The following BCAP29 variants were observed in gnomAD, a reference collection of about 807,000 sequenced individuals.
The protein encoded by BCAP29 is B-cell receptor-associated protein 29.
Under a neutral mutation model 31.8 loss-of-function variants are expected in BCAP29, and 34 were observed. That is an observed-to-expected ratio of 1.07 (90% CI 0.81 to 1.42). The LOEUF (loss-of-function observed/expected upper bound fraction) is 1.42, where lower values mean the gene tolerates loss of function less well. Among genes scored for constraint, BCAP29 ranks in the 40% most tolerant of loss-of-function variants. The pLI, the probability that BCAP29 is intolerant of heterozygous loss-of-function variation, is 0.00. For missense variants in BCAP29, 314 were observed against 269.2 expected, an observed-to-expected ratio of 1.17 and a Z score of -1.16; for synonymous variants, 104 against 91.3, an observed-to-expected ratio of 1.14 and a Z score of -0.79.
In BCAP29 at chr7:107,589,817, T is replaced by G. The variant is rs1197506390; in HGVS notation, c.194-4138T>G. Among the ~76,000 whole-genome samples the G allele has an allele frequency of 1.3e-5, 2 of 151,992 alleles. 1 individual carries two copies. The highest frequency in any genetic ancestry group is 4.2e-4 in the South Asian group (2 of 4,814). The stretch of plus-strand genomic sequence containing the variant: ...ATTGGAATCATATAGAGTATGGGGG[T>G]TTTGTTTTTGTTGTTTTATAGAGAC... On this transcript the variant is annotated intron_variant, in intron 3 of 7. Coordinates refer to ENST00000005259, the MANE Select transcript of BCAP29 (RefSeq NM_018844.4).
intron 5 of BCAP29, 60 bp downstream of exon 5, chr7:107,596,062 T>A: frequency 1.4e-6 from 2 of 1,409,328 alleles, no homozygotes; most frequent in Non-Finnish European, 1.9e-6. Context: ...GTAATGTATT[T>A]GTTTTCAGCA....
intron 3 of BCAP29, 102 bp from the exon 4 acceptor site, chr7:107,593,853 A>G (rs1379624776): frequency 1.7e-6 from 2 of 1,210,164 alleles, no homozygotes; most frequent in East Asian, 4.8e-5. Context: ...CCTAAAGTCC[A>G]TTATTTAAAA....
At chr7:107,621,899 C>A (rs777959283), downstream of BCAP29, 2 of 534,532 alleles carry the variant, frequency 3.7e-6, no homozygotes, top group South Asian at 2.8e-5. Context: ...GTTACTGCTG[C>A]CATAGTAAAT....
chr7:107,580,513 G>A lies in BCAP29; in HGVS notation c.-15+212G>A. 3 of 412,366 alleles carry A rather than the reference G, an allele frequency of 7.3e-6. 1 individual carries two copies. The South Asian group carries it at 1.0e-4, about 14-fold the overall frequency. 25.5% of individuals were successfully genotyped at this position (412,366 alleles called of 1,614,324 possible). A position where few individuals can be genotyped will look rare whatever the true frequency, so the allele number is the denominator to read the frequency against. On this transcript the variant is annotated intron_variant, in intron 1 of 7. Coordinates refer to ENST00000005259, the MANE Select transcript of BCAP29 (RefSeq NM_018844.4). Reference sequence around the variant, plus strand: ...AGGGAGGCGTTGGGCTTCTGTCGCCGCGAAGCTGGCGGAAAAGGCAGTGGC... The same window carrying A: ...AGGGAGGCGTTGGGCTTCTGTCGCCACGAAGCTGGCGGAAAAGGCAGTGGC...
intron 5 of BCAP29, among the ~76,000 whole-genome samples, chr7:107,599,295 A>ATTT (rs1462114512): frequency 6.9e-3 from 159 of 23,204 alleles, no homozygotes; most frequent in South Asian, 0.015. Flanking sequence ...TTATATATAA[A>ATTT]TTATATATAA....
At chr7:107,582,246 T>C (rs1806816948) in intron 2 of BCAP29, among the ~76,000 whole-genome samples, 1 of 152,224 alleles carries the variant, frequency 6.6e-6, no homozygotes, top group South Asian at 2.1e-4. Context: ...GATCAATATT[T>C]TTCTTCCTGC....
At position 107,583,870 on chromosome 7, in the gene BCAP29, A is replaced by T. The variant is rs1192023161; in HGVS notation, c.93-12A>T. 3.5e-6 allele frequency: 5 copies of T among 1,435,366 alleles called. No homozygotes were observed. In the South Asian group the frequency reaches 6.7e-5, roughly 19 times the overall value. 88.9% of individuals were successfully genotyped at this position (1,435,366 alleles called of 1,614,324 possible). A position where few individuals can be genotyped will look rare whatever the true frequency, so the allele number is the denominator to read the frequency against. Reference sequence around the variant, plus strand: ...GTTTTTTTATACCTAATATAATTGTATTGCTTTACAGATGGCAGAAGATTT... The same window carrying T: ...GTTTTTTTATACCTAATATAATTGTTTTGCTTTACAGATGGCAGAAGATTT... On this transcript the variant is annotated splice_polypyrimidine_tract_variant and intron_variant, in intron 2 of 7. Coordinates refer to ENST00000005259, the MANE Select transcript of BCAP29 (RefSeq NM_018844.4).
At chr7:107,597,633 G>A (rs561876540) in intron 5 of BCAP29, among the ~76,000 whole-genome samples, 2 of 152,274 alleles carry the variant, frequency 1.3e-5, no homozygotes, top group African/African-American at 2.4e-5. Flanking sequence ...GCATTTTATA[G>A]ATGAGGAAAT....
At chr7:107,581,917 T>C (rs963359959) in intron 2 of BCAP29, among the ~76,000 whole-genome samples, 6 of 152,146 alleles carry the variant, frequency 3.9e-5, no homozygotes, top group African/African-American at 1.4e-4. Context: ...GTTCTATATA[T>C]CACGTACTGA....
intron 3 of BCAP29, among the ~76,000 whole-genome samples, chr7:107,584,591 C>G (rs1807296183): frequency 6.6e-6 from 1 of 151,868 alleles, no homozygotes; most frequent in East Asian, 1.9e-4. Flanking sequence ...ACCCATAGTC[C>G]CAGCTACTCG....
At chr7:107,610,124 T>TAA (rs1204840581) in intron 6 of BCAP29, among the ~76,000 whole-genome samples, 1 of 152,252 alleles carries the variant, frequency 6.6e-6, no homozygotes, top group Non-Finnish European at 1.5e-5. Context: ...TGTTTTTGCT[T>TAA]ACTATGTGTC....
rs1484689810 is a variant in BCAP29 at position 107,594,023 on chromosome 7, G to A, written c.262G>A (p.Asp88Asn). Residue 88 changes from aspartate (D) to asparagine (N), a missense_variant, in exon 4 of 8, where the codon GAT (aspartate) becomes AAT (asparagine). Physicochemically the swap from Asp to Asn is conservative, Grantham distance 23. Transcript: ENST00000005259. ...TIEKSSTSRP[D>N]AYEHTQMKLF... is the part of the protein sequence containing the mutation. ...TGAGAAGAGCTCCACCAGCAGACCT[G>A]ATGCCTATGAACACACACAGATGAA... 1 of 1,613,600 alleles carries A rather than the reference G, an allele frequency of 6.2e-7. No homozygotes were observed. Among genetic ancestry groups the A allele is most frequent in the African/African-American group, 1.3e-5 (1 of 75,014 alleles).
At chr7:107,585,228 T>G (rs996773458) in intron 3 of BCAP29, among the ~76,000 whole-genome samples, 8 of 152,234 alleles carry the variant, frequency 5.3e-5, no homozygotes, top group Non-Finnish European at 8.8e-5. Flanking sequence ...TCTTTGACAC[T>G]GTTTTGTGAG....
Position 107,580,864 on chromosome 7 carries a change from G to A in BCAP29, c.92G>A (p.Arg31Lys). Residue 31 changes from arginine (R) to lysine (K), a missense_variant and splice_region_variant, in exon 2 of 8, where the codon AGA (arginine) becomes AAA (lysine). Physicochemically the swap from Arg to Lys is conservative, Grantham distance 26 (BLOSUM62 2). Coordinates refer to ENST00000005259, the MANE Select transcript of BCAP29 (RefSeq NM_018844.4). ...IFCLPFIPPQ[R>K]WQKIFSFNVW... is the part of the protein sequence containing the mutation. ...TGCCTACCTTTTATTCCTCCTCAGA[G>A]GTAGGAAACCTTCAAATCGTTAACT... The A allele has an allele frequency of 6.3e-7, 1 of 1,578,958 alleles. No homozygotes were observed. Among genetic ancestry groups the A allele is most frequent in the East Asian group, 2.4e-5 (1 of 42,130 alleles).
At chr7:107,581,994 G>A (rs1285299015) in intron 2 of BCAP29, among the ~76,000 whole-genome samples, 1 of 152,118 alleles carries the variant, frequency 6.6e-6, no homozygotes, top group African/African-American at 2.4e-5. Context: ...AAAAAATCTG[G>A]CTCTTAGTCC....
At chr7:107,622,519 T>C (rs1296614509), downstream of BCAP29, 1 of 152,776 alleles carries the variant, frequency 6.5e-6, no homozygotes, top group African/African-American at 2.4e-5. Flanking sequence ...GTGTAGTACA[T>C]GTTGCATCCC....
At chr7:107,599,616 TTGTC>T (rs1810784712) in intron 5 of BCAP29, among the ~76,000 whole-genome samples, 1 of 151,768 alleles carries the variant, frequency 6.6e-6, no homozygotes, top group African/African-American at 2.4e-5. Flanking sequence ...AACATTTACT[TTGTC>T]TTTCTAGGTA....
chr7:107,596,074 C>G, intron 5 of BCAP29, 72 bp downstream of exon 5: 13 of 1,290,034 alleles, frequency 1.0e-5, no homozygotes, highest in Non-Finnish European at 1.3e-5. Context: ...TTTTCAGCAT[C>G]AAAAAGAGCA....
At chr7:107,604,724 T>C (rs1811777862) in intron 6 of BCAP29, among the ~76,000 whole-genome samples, 1 of 151,042 alleles carries the variant, frequency 6.6e-6, no homozygotes, top group South Asian at 2.1e-4. Flanking sequence ...AATGCACTTT[T>C]GTGATTTAAA....
Sources: gnomAD v4.1 joint callset for allele counts (sites outside exome capture counted in the v4.1 genomes callset) on GRCh38, gnomAD v4.1.1 for gene constraint, MANE v1.5 for transcripts, NCBI Gene and HGNC (gene_info 2026-07-23, HGNC 2026-07-21) for gene names.